AOPEP: variants seen among roughly 807,000 people sequenced by gnomAD.
AOPEP encodes the protein aminopeptidase O.
In AOPEP, 77 loss-of-function variants were observed where a neutral mutation model predicts 98.1. The observed-to-expected ratio is 0.78, with a 90% CI of 0.65 to 0.95. The LOEUF (loss-of-function observed/expected upper bound fraction) is 0.95, where lower values mean the gene tolerates loss of function less well. AOPEP is among the 40% of genes least tolerant of loss of function. The probability of loss-of-function intolerance (pLI) is 0.00; values close to 1 mark genes in which losing one functional copy is unlikely to be tolerated. For synonymous variants in AOPEP, 346 were observed against 365.3 expected (o/e 0.95, Z 0.60); for missense variants, 1,024 against 1,024.7 (o/e 1.00, Z 0.01).
In AOPEP at chr9:95,082,606, T is replaced by TGGTG; in HGVS notation, c.2352_2355dup (p.Ser786GlyfsTer3). 6.2e-7 allele frequency: 1 copy of TGGTG among 1,614,192 alleles called. No homozygotes were observed. Among genetic ancestry groups the TGGTG allele is most frequent in the Non-Finnish European group, 8.5e-7 (1 of 1,180,028 alleles). On this transcript the variant is annotated frameshift_variant, in exon 16 of 17. Transcript: ENST00000375315. LOFTEE classifies it high-confidence loss of function. ...GGTGTGTACCTCTACGGGGAGCTGA[T>TGGTG]GGTGAGTGAGGACGCCAGACAGCAG...
intron 5 of AOPEP, among the ~76,000 whole-genome samples, chr9:94,863,518 G>C (rs1245322213): frequency 6.6e-6 from 1 of 152,000 alleles, no homozygotes; most frequent in Non-Finnish European, 1.5e-5. Flanking sequence ...CTAACCTCAG[G>C]TGATCCGCCT....
At chr9:94,887,249 G>A (rs1328719943) in intron 5 of AOPEP, among the ~76,000 whole-genome samples, 1 of 152,148 alleles carries the variant, frequency 6.6e-6, no homozygotes, top group Non-Finnish European at 1.5e-5. Flanking sequence ...TTGGGGAGCT[G>A]AGGTGGGAGG....
chr9:95,066,611 C>A (rs1476252376), intron 14 of AOPEP, among the ~76,000 whole-genome samples: 2 of 152,138 alleles, frequency 1.3e-5, no homozygotes, highest in Non-Finnish European at 2.9e-5. Context: ...CTGCCGTCTG[C>A]TGTTTGCACA....
chr9:94,765,194 C>T lies in AOPEP; in HGVS notation c.797+4614C>T, dbSNP rs530112306. On this transcript the variant is annotated intron_variant, in intron 2 of 16. Transcript: ENST00000375315. ...CCCAGGCTGGTCTCGAACTCCTGGG[C>T]CCAAGCATTCCTCCCACCTCAGCCT... is the stretch of plus-strand genomic sequence containing the variant. Among the ~76,000 whole-genome samples, 91 of 151,884 alleles carry T rather than the reference C, an allele frequency of 6.0e-4. No individual in the cohort carries two copies. In the East Asian group the frequency reaches 0.013, roughly 22 times the overall value.
intron 5 of AOPEP, among the ~76,000 whole-genome samples, chr9:94,866,342 A>G (rs1030762432): frequency 1.6e-4 from 24 of 152,224 alleles, no homozygotes; most frequent in Admixed American, 7.9e-4. Flanking sequence ...TAACCAGCTC[A>G]GGGTTTATTC....
chr9:94,775,628 G>A (rs1309686658), intron 3 of AOPEP, among the ~76,000 whole-genome samples: 1 of 151,934 alleles, frequency 6.6e-6, no homozygotes, highest in South Asian at 2.1e-4. Flanking sequence ...GCCTCCCAAA[G>A]TGCTGCAATT....
At chr9:94,869,993 T>C (rs2046147973) in intron 5 of AOPEP, among the ~76,000 whole-genome samples, 1 of 138,976 alleles carries the variant, frequency 7.2e-6, no homozygotes, top group South Asian at 2.4e-4. Context: ...TTTTTTTTTT[T>C]TTTTTTTTTT....
intron 5 of AOPEP, among the ~76,000 whole-genome samples, chr9:94,834,756 G>C (rs1306513235): frequency 6.6e-6 from 1 of 152,160 alleles, no homozygotes; most frequent in Non-Finnish European, 1.5e-5. Flanking sequence ...TTGCACCATT[G>C]CACTTCAGCC....
intron 11 of AOPEP, among the ~76,000 whole-genome samples, chr9:94,989,672 C>T (rs1430074852): frequency 6.9e-6 from 1 of 145,526 alleles, no homozygotes; most frequent in African/African-American, 2.6e-5. Context: ...AGTGCAGTGG[C>T]GTGATCTCAG....
chr9:95,020,948 G>GA (rs1193883835), intron 13 of AOPEP, among the ~76,000 whole-genome samples: 1 of 121,700 alleles, frequency 8.2e-6, no homozygotes, highest in African/African-American at 2.9e-5. Context: ...ACATAAGCAT[G>GA]ACCAGATAAA....
the AOPEP span, chr9:95,123,743 C>G: frequency 2.9e-6 from 2 of 693,698 alleles, no homozygotes; most frequent in Non-Finnish European, 5.4e-6. Context: ...ACATTACTGT[C>G]TGAGTTGTGC....
chr9:95,127,696 T>C, the AOPEP span, among the ~76,000 whole-genome samples: 1 of 152,212 alleles, frequency 6.6e-6, no homozygotes, highest in Non-Finnish European at 1.5e-5. Context: ...TGGGAAACAC[T>C]GTTCACAGGC....
At chr9:94,952,732 C>G (rs1404840202) in intron 7 of AOPEP, among the ~76,000 whole-genome samples, 1 of 152,190 alleles carries the variant, frequency 6.6e-6, no homozygotes, top group Non-Finnish European at 1.5e-5. Flanking sequence ...GAAACCACCC[C>G]CTCTGATTTC....
chr9:95,112,236 G>A, the AOPEP span, among the ~76,000 whole-genome samples: 1 of 152,228 alleles, frequency 6.6e-6, no homozygotes, highest in African/African-American at 2.4e-5. Context: ...TACTAATTGT[G>A]TGCAGTGCCG....
intron 7 of AOPEP, chr9:94,932,802 A>G (rs2055577707): frequency 1.0e-6 from 1 of 985,128 alleles, no homozygotes; most frequent in Non-Finnish European, 1.2e-6. Context: ...TCTTAGATTG[A>G]CTTTGCTGTG....
At chr9:95,116,021 C>A in the AOPEP span, among the ~76,000 whole-genome samples, 1 of 152,258 alleles carries the variant, frequency 6.6e-6, no homozygotes, top group Non-Finnish European at 1.5e-5. Flanking sequence ...CTTCTAGGAA[C>A]TAGCACAAGA....
chr9:94,935,675 G>A (rs536148234), intron 7 of AOPEP, among the ~76,000 whole-genome samples: 1 of 152,170 alleles, frequency 6.6e-6, no homozygotes, highest in East Asian at 1.9e-4. Context: ...ACGAAGAGTC[G>A]CAGAGAGCAT....
intron 13 of AOPEP, among the ~76,000 whole-genome samples, chr9:95,008,654 G>A (rs1281292962): frequency 6.6e-6 from 1 of 151,880 alleles, no homozygotes; most frequent in Admixed American, 6.5e-5. Context: ...GGACTGAGAT[G>A]TACCATGCAG....
At chr9:95,094,353 C>G in the AOPEP span, among the ~76,000 whole-genome samples, 1 of 152,192 alleles carries the variant, frequency 6.6e-6, no homozygotes, top group East Asian at 1.9e-4. Flanking sequence ...ATAAGATTGA[C>G]CAGTATAACC....
Sources: gnomAD v4.1 joint callset for allele counts (sites outside exome capture counted in the v4.1 genomes callset) on GRCh38, gnomAD v4.1.1 for gene constraint, MANE v1.5 for transcripts, NCBI Gene and HGNC (gene_info 2026-07-23, HGNC 2026-07-21) for gene names.